Variants in MYO7B observed in about 807,000 individuals in gnomAD.
MYO7B encodes the protein unconventional myosin-VIIb.
Under a neutral mutation model 259.7 loss-of-function variants are expected in MYO7B, and 212 were observed. The ratio of observed to expected loss-of-function variants is 0.82; its 90% CI spans 0.73 to 0.91. MYO7B has a LOEUF of 0.91. Ranked by LOEUF, MYO7B falls within the 40% of genes least tolerant of loss-of-function variation. The pLI, the probability that MYO7B is intolerant of heterozygous loss-of-function variation, is 0.00. For missense variants in MYO7B, 2,732 were observed against 2,813.5 expected, an observed-to-expected ratio of 0.97 and a Z score of 0.66; for synonymous variants, 1,197 against 1,166.4, an observed-to-expected ratio of 1.03 and a Z score of -0.54.
At chr2:127,538,506 A>G (rs1256341742) in intron 1 of MYO7B, among the ~76,000 whole-genome samples, 1 of 151,988 alleles carries the variant, frequency 6.6e-6, no homozygotes, top group African/African-American at 2.4e-5. Context: ...GTTAAGAGAG[A>G]GGTGAAGTGG....
At position 127,584,678 on chromosome 2, in the gene MYO7B, G is replaced by A. The variant is rs548077267; in HGVS notation, c.1555-100G>A. ...CTGTACAAAGGCCCTCAATCATTCTGAGCCCAGATCTCTTTGCCTCCATGA... is the reference window on the plus strand; with the variant it reads ...CTGTACAAAGGCCCTCAATCATTCTAAGCCCAGATCTCTTTGCCTCCATGA... On this transcript the variant is annotated intron_variant, in intron 13 of 47. Transcript: ENST00000409816. The surrounding 1 kb of genome is among the most constrained non-coding windows in gnomAD (Gnocchi z 5.8). 25 of 1,417,696 alleles carry A rather than the reference G, an allele frequency of 1.8e-5. 1 individual carries two copies. The African/African-American group carries it at 2.1e-4, about 12-fold the overall frequency. The allele number at this position is 1,417,696 out of a possible 1,614,324, so 87.8% of individuals were successfully genotyped here. A position where few individuals can be genotyped will look rare whatever the true frequency, so the allele number is the denominator to read the frequency against.
intron 3 of MYO7B, among the ~76,000 whole-genome samples, chr2:127,564,891 C>G (rs1456696092): frequency 6.6e-6 from 1 of 152,206 alleles, no homozygotes; most frequent in Admixed American, 6.5e-5. Flanking sequence ...AGTCTTATTC[C>G]AACAACCTGC....
rs115002091 is a variant in MYO7B, at chr2:127,569,282, C to T, written c.471-507C>T. On this transcript the variant is annotated intron_variant, in intron 5 of 47. Transcript: ENST00000409816. ...GGATTTGCTTTAAAATAGTACAGGA[C>T]GGGAAACAAAATTGGCCGGGAGTTG... 3.4e-3 allele frequency among the ~76,000 whole-genome samples: 508 copies of T among 150,724 alleles called. 3 individuals carry two copies. Among genetic ancestry groups the T allele is most frequent in the African/African-American group, 0.011 (458 of 40,914 alleles).
intron 19 of MYO7B, among the ~76,000 whole-genome samples, chr2:127,599,181 C>A (rs1271372687): frequency 6.6e-6 from 1 of 152,218 alleles, no homozygotes; most frequent in African/African-American, 2.4e-5. Flanking sequence ...ATCTTCCAAT[C>A]CATAAACATG....
At chr2:127,599,238 T>C (rs1410988166) in intron 19 of MYO7B, among the ~76,000 whole-genome samples, 9 of 152,252 alleles carry the variant, frequency 5.9e-5, no homozygotes, top group Admixed American at 5.9e-4. Flanking sequence ...CATGCATCCG[T>C]GTTTTGTAGT....
At chr2:127,596,695 C>T in intron 19 of MYO7B, 139 bp downstream of exon 19, 1 of 693,316 alleles carries the variant, frequency 1.4e-6, no homozygotes, top group South Asian at 1.7e-5. Flanking sequence ...TGCCTTCCAA[C>T]CAGGGACACT....
At position 127,538,570 on chromosome 2, in the gene MYO7B, C is replaced by CT. The variant is rs376082743; in HGVS notation, c.-24+2752dup. Among the ~76,000 whole-genome samples, 1,086 of 144,116 alleles carry CT rather than the reference C, an allele frequency of 7.5e-3. 7 individuals are homozygous for CT. The highest frequency in any genetic ancestry group is 0.035 in the East Asian group (174 of 4,988). 94.5% of individuals were successfully genotyped at this position (144,116 alleles called of 152,430 possible). On this transcript the variant is annotated intron_variant, in intron 1 of 47. Coordinates refer to ENST00000409816, the MANE Select transcript of MYO7B (RefSeq NM_001393586.1). ...TTGCAGATTCAAATCTTGTTTCTTT[C>CT]TTTTTTTTTTTTTGAGATGGAGTCT...
At chr2:127,570,371 A>G (rs1274388099) in intron 6 of MYO7B, among the ~76,000 whole-genome samples, 2 of 152,198 alleles carry the variant, frequency 1.3e-5, no homozygotes, top group Non-Finnish European at 2.9e-5. Flanking sequence ...ATGAACGGGA[A>G]AAAGAGAGGA....
chr2:127,579,401 A>C (rs1162695165), intron 9 of MYO7B, among the ~76,000 whole-genome samples: 1 of 152,234 alleles, frequency 6.6e-6, no homozygotes, highest in African/African-American at 2.4e-5. Context: ...TATTGCTTCC[A>C]GGCAAGCTGC....
Position 127,631,285 on chromosome 2 carries a change from G to A in MYO7B, c.5017G>A (p.Glu1673Lys), listed in dbSNP as rs981734571. ...ARGHLWAYSC[E>K]PLRQPLLKRV... ...TGGCCACCTGTGGGCCTATTCCTGC[G>A]AGCCGCTGCGACAGCCGCTGCTCAA... Residue 1673 changes from glutamate to lysine, a missense_variant, in exon 37 of 48, where the codon GAG becomes AAG. Around this residue, in one of 3 missense-constraint regions of MYO7B, gnomAD observed 821 missense variants for 769.3 expected, o/e 1.07. Coordinates refer to ENST00000409816, the MANE Select transcript of MYO7B (RefSeq NM_001393586.1). The A allele has an allele frequency of 2.0e-5, 33 of 1,612,036 alleles. No individual in the cohort carries two copies. The highest frequency in any genetic ancestry group is 1.6e-4 in the Middle Eastern group (1 of 6,084).
chr2:127,636,308 C>A lies in MYO7B; in HGVS notation c.6107C>A (p.Ala2036Asp). Residue 2036 changes from alanine to aspartate, a missense_variant, in exon 45 of 48, where the codon GCC (alanine) becomes GAC (aspartate). Transcript: ENST00000409816. This position sits in a 1 kb window ranked among gnomAD's most constrained non-coding sequence, Gnocchi z 4.5. The stretch of plus-strand genomic sequence containing the variant: ...TGCCGGTGGCCCACCTTCGGATCCG[C>A]CTTCTTCGAGGTGAAGGTAAACCTT... ...WICRWPTFGS[A>D]FFEVKQTSEP... 1.2e-6 allele frequency: 2 copies of A among 1,613,342 alleles called. No homozygotes were observed. Among genetic ancestry groups the A allele is most frequent in the African/African-American group, 1.3e-5 (1 of 75,054 alleles).
rs1045286324 is a variant in MYO7B, at chr2:127,635,861, T to G, written c.5960T>G (p.Val1987Gly). The change falls in exon 44 of 48, where the codon GTG becomes GGG. Residue 1987 changes from valine (V) to glycine (G), a missense_variant. Val to Gly is a moderately radical substitution (Grantham distance 109, BLOSUM62 -3). Coordinates refer to ENST00000409816, the MANE Select transcript of MYO7B (RefSeq NM_001393586.1). ...ASVPKILREL[V>G]PENLTRLMSS... ...GTCCCCAAGATCCTGAGGGAACTGG[T>G]GCCTGAGAACCTCACACGCCTGATG... The G allele has an allele frequency of 2.1e-5, 33 of 1,583,066 alleles. No homozygotes were observed. Among genetic ancestry groups the G allele is most frequent in the African/African-American group, 2.7e-5 (2 of 74,062 alleles).
chr2:127,628,647 G>A lies in MYO7B; in HGVS notation c.4624+112G>A. ...CCACACAGCAGCCACAAGGCAAGCAGAGGGAGGGAAGGCCCCAAAGCTCTG... is the reference window on the plus strand; with the variant it reads ...CCACACAGCAGCCACAAGGCAAGCAAAGGGAGGGAAGGCCCCAAAGCTCTG... On this transcript the variant is annotated intron_variant, in intron 34 of 47. Coordinates refer to ENST00000409816, the MANE Select transcript of MYO7B (RefSeq NM_001393586.1). The surrounding 1 kb of genome is among the most constrained non-coding windows in gnomAD (Gnocchi z 4.8). The A allele has an allele frequency of 5.8e-6, 7 of 1,211,402 alleles. No homozygotes were observed. The highest frequency in any genetic ancestry group is 8.0e-6 in the Non-Finnish European group (7 of 875,798). The allele number at this position is 1,211,402 out of a possible 1,614,324, so 75.0% of individuals were successfully genotyped here.
At chr2:127,632,159 T>C in intron 38 of MYO7B, 87 bp from the exon 39 acceptor site, 2 of 1,461,272 alleles carry the variant, frequency 1.4e-6, no homozygotes, top group East Asian at 5.0e-5. Context: ...CCCAGGCAGC[T>C]CTCACATCCG....
At chr2:127,579,113 T>G (rs34605048) in intron 9 of MYO7B, among the ~76,000 whole-genome samples, 35,143 of 151,666 alleles carry the variant, frequency 0.23, 4,448 homozygotes, top group South Asian at 0.51. Flanking sequence ...AGAAACTGAG[T>G]ACAGCATGGA....
chr2:127,609,501 C>G lies in MYO7B; in HGVS notation c.2815-5C>G, dbSNP rs566063342. ...CTGACCCGTGTTCTCCCTCAATGGC[C>G]GTAGGATCTGGAATCGAAGACCCAG... On this transcript the variant is annotated splice_region_variant and splice_polypyrimidine_tract_variant and intron_variant, in intron 22 of 47. Transcript: ENST00000409816. This position sits in a 1 kb window ranked among gnomAD's most constrained non-coding sequence, Gnocchi z 6.9. 6.2e-7 allele frequency: 1 copy of G among 1,608,448 alleles called. No individual in the cohort carries two copies. The highest frequency in any genetic ancestry group is 1.1e-5 in the South Asian group (1 of 90,138).
In MYO7B at chr2:127,614,104, GCCA is replaced by G. The variant is rs145870242; in HGVS notation, c.3398+1506_3398+1508del. Among the ~76,000 whole-genome samples the G allele has an allele frequency of 9.9e-3, 1,499 of 152,092 alleles. 22 individuals carry two copies. Among genetic ancestry groups the G allele is most frequent in the African/African-American group, 0.034 (1,427 of 41,492 alleles). ...ATTCTCTCATGGTTAATCCTCACTG[GCCA>G]CCACACCACACCCTCCAATATGGCA... On this transcript the variant is annotated intron_variant, in intron 26 of 47. Transcript: ENST00000409816. The surrounding 1 kb of genome is among the most constrained non-coding windows in gnomAD (Gnocchi z 4.6).
At chr2:127,558,619 G>A (rs1417366594) in intron 1 of MYO7B, among the ~76,000 whole-genome samples, 1 of 152,122 alleles carries the variant, frequency 6.6e-6, no homozygotes, top group African/African-American at 2.4e-5. Flanking sequence ...TGAACAAGTG[G>A]ATAAAGAAAT....
In MYO7B at chr2:127,584,146, C is replaced by A; in HGVS notation, c.1368C>A (p.Phe456Leu). 2 of 1,613,602 alleles carry A rather than the reference C, an allele frequency of 1.2e-6. No homozygotes were observed. Among genetic ancestry groups the A allele is most frequent in the Non-Finnish European group, 1.7e-6 (2 of 1,179,718 alleles). Residue 456 changes from phenylalanine to leucine, a missense_variant, in exon 13 of 48, where the codon TTC (phenylalanine) becomes TTA (leucine). By Grantham distance (22) the Phe-to-Leu change is conservative. Around this residue, in one of 3 missense-constraint regions of MYO7B, gnomAD observed 1,906 missense variants for 2,026.4 expected, o/e 0.94. Transcript: ENST00000409816. This position sits in a 1 kb window ranked among gnomAD's most constrained non-coding sequence, Gnocchi z 5.8. ...GCTTCGAGCAGCTCTGCATCAACTT[C>A]GCCAACGAGCACCTGCAGCAGTTCT... The part of the protein sequence containing the change: ...NNSFEQLCIN[F>L]ANEHLQQFFV...
Sources: gnomAD v4.1 joint callset for allele counts (sites outside exome capture counted in the v4.1 genomes callset) on GRCh38, gnomAD v4.1.1 for gene constraint, gnomAD v4.1.1 regional missense constraint, Gnocchi (gnomAD v3.1) non-coding constraint, MANE v1.5 for transcripts, NCBI Gene and HGNC (gene_info 2026-07-23, HGNC 2026-07-21) for gene names.